ADAM9: variants seen among roughly 807,000 people sequenced by gnomAD.
ADAM9 encodes the protein ADAM metallopeptidase domain 9.
ADAM9 carries 54 observed loss-of-function variants against 108.1 expected under a neutral mutation model. That is an observed-to-expected ratio of 0.50 (90% CI 0.40 to 0.63). The LOEUF is 0.63. Among genes scored for constraint, ADAM9 ranks in the 20% least tolerant of loss-of-function variants. ADAM9 has a pLI of 0.00. For missense variants in ADAM9, 830 were observed against 997.7 expected, an observed-to-expected ratio of 0.83 and a Z score of 2.26; for synonymous variants, 316 against 336.0, an observed-to-expected ratio of 0.94 and a Z score of 0.65.
intron 11 of ADAM9, among the ~76,000 whole-genome samples, chr8:39,031,750 A>T (rs1265854515): frequency 6.6e-6 from 1 of 152,140 alleles, no homozygotes; most frequent in Non-Finnish European, 1.5e-5. Context: ...TAGAATTTTC[A>T]GCTTTTCTGC....
At chr8:39,039,700 C>T (rs550489372) in intron 11 of ADAM9, among the ~76,000 whole-genome samples, 1 of 152,196 alleles carries the variant, frequency 6.6e-6, no homozygotes, top group African/African-American at 2.4e-5. Context: ...CCAGGTTCCT[C>T]CATGTTGTGG....
At chr8:39,047,138 A>G (rs1364185051) in intron 12 of ADAM9, among the ~76,000 whole-genome samples, 1 of 152,192 alleles carries the variant, frequency 6.6e-6, no homozygotes, top group East Asian at 1.9e-4. Context: ...ATTTATACCC[A>G]AGGATAAATT....
intron 14 of ADAM9, among the ~76,000 whole-genome samples, chr8:39,070,152 CAAAAAAAA>C (rs5891052): frequency 2.5e-5 from 2 of 81,426 alleles, no homozygotes; most frequent in South Asian, 4.3e-4. Flanking sequence ...GACTCTGTCT[CAAAAAAAA>C]AAAAAAAAAA....
At chr8:39,048,885 A>G (rs758692669) in intron 12 of ADAM9, among the ~76,000 whole-genome samples, 17 of 151,480 alleles carry the variant, frequency 1.1e-4, no homozygotes, top group Non-Finnish European at 1.9e-4. Context: ...ATACAAATAT[A>G]GGTACCCCTG....
At chr8:39,058,535 C>T (rs761605512) in intron 14 of ADAM9, among the ~76,000 whole-genome samples, 20 of 152,138 alleles carry the variant, frequency 1.3e-4, no homozygotes, top group Middle Eastern at 3.2e-3. Context: ...AAGGGATCTC[C>T]GGCATTCTAG....
Position 39,077,104 on chromosome 8 carries a change from A to G in ADAM9, c.1698-124A>G, listed in dbSNP as rs1588416354. 162 of 1,084,136 alleles carry G rather than the reference A, an allele frequency of 1.5e-4. 2 individuals are homozygous for G. The South Asian group carries it at 2.1e-3, about 14-fold the overall frequency. 67.2% of individuals were successfully genotyped at this position (1,084,136 alleles called of 1,614,324 possible). On this transcript the variant is annotated intron_variant, in intron 15 of 21. Coordinates refer to ENST00000487273, the MANE Select transcript of ADAM9 (RefSeq NM_003816.3). ...CTACTTTGACCTCTCTTGCTCTCAT[A>G]CACTTTCTCTGTTGAGATTCCCTCC...
At chr8:39,059,562 CTTGAT>C (rs1237064958) in intron 14 of ADAM9, among the ~76,000 whole-genome samples, 2 of 152,240 alleles carry the variant, frequency 1.3e-5, no homozygotes, top group African/African-American at 4.8e-5. Context: ...ATCCTATCTA[CTTGAT>C]TATTAAAATT....
intron 19 of ADAM9, 119 bp from the exon 20 acceptor site, chr8:39,091,140 A>G (rs768380526): frequency 4.2e-6 from 4 of 942,534 alleles, no homozygotes; most frequent in Non-Finnish European, 3.4e-6. Flanking sequence ...TATCATGATT[A>G]TCATCCCCAC....
chr8:39,081,288 A>T (rs868677849), intron 16 of ADAM9, among the ~76,000 whole-genome samples: 1 of 152,020 alleles, frequency 6.6e-6, no homozygotes, highest in African/African-American at 2.4e-5. Flanking sequence ...TTTCAGTTTG[A>T]TTTTTCCCAT....
chr8:39,023,079 G>A (rs1223610935), intron 8 of ADAM9, 77 bp from the exon 9 acceptor site: 21 of 1,281,050 alleles, frequency 1.6e-5, no homozygotes, highest in African/African-American at 1.1e-4. Flanking sequence ...TTAAGTAGCC[G>A]TGTTACTTCA....
At chr8:39,077,107 C>G in intron 15 of ADAM9, 121 bp from the exon 16 acceptor site, 2 of 1,115,494 alleles carry the variant, frequency 1.8e-6, no homozygotes, top group Non-Finnish European at 1.3e-6. Flanking sequence ...CTCTCATACA[C>G]TTTCTCTGTT....
At chr8:39,054,601 G>GCAAA in intron 13 of ADAM9, 28 bp downstream of exon 13, 1 of 752,322 alleles carries the variant, frequency 1.3e-6, no homozygotes, top group Non-Finnish European at 1.8e-6. Context: ...TTTGGAAACA[G>GCAAA]GAAAAAAAAA....
chr8:39,029,906 AG>A (rs1837045963), intron 11 of ADAM9, among the ~76,000 whole-genome samples: 1 of 152,134 alleles, frequency 6.6e-6, no homozygotes, highest in South Asian at 2.1e-4. Flanking sequence ...TGAGTTTGGA[AG>A]TGTTCCTTCC....
Position 39,092,937 on chromosome 8 carries a change from G to A in ADAM9, c.2298+1591G>A, listed in dbSNP as rs74379492. ...CTGACCATAAAGTTGTGGATTTGGG[G>A]TTCTCTATTCTGTTCCATTTGTCTT... On this transcript the variant is annotated intron_variant, in intron 20 of 21. Transcript: ENST00000487273. Among the ~76,000 whole-genome samples the A allele has an allele frequency of 1.8e-4, 27 of 152,228 alleles. 1 individual carries two copies. In the East Asian group the frequency reaches 4.8e-3, roughly 27 times the overall value.
In ADAM9 at chr8:39,077,327, A is replaced by G. The variant is rs1408553604; in HGVS notation, c.1797A>G (p.Lys599=). 1 of 1,614,098 alleles carries G rather than the reference A, an allele frequency of 6.2e-7. No individual in the cohort carries two copies. The highest frequency in any genetic ancestry group is 8.5e-7 in the Non-Finnish European group (1 of 1,179,990). ...AIIQTPSRGT[K]CWGVDFQLGS... ...TTCAAACGCCTAGTCGAGGCACCAA[A>G]TGTTGGGGTGTGGATTTCCAGCTAG... The change falls in exon 16 of 22, where the codon AAA becomes AAG. Residue 599 remains lysine, a synonymous_variant. Coordinates refer to ENST00000487273, the MANE Select transcript of ADAM9 (RefSeq NM_003816.3).
At chr8:39,090,308 G>T (rs186805925) in intron 19 of ADAM9, 120 bp downstream of exon 19, 23 of 803,850 alleles carry the variant, frequency 2.9e-5, no homozygotes, top group Middle Eastern at 7.3e-4. Flanking sequence ...AAGTAGTTGG[G>T]ATTACAGGCA....
At chr8:39,069,971 T>A (rs1838624061) in intron 14 of ADAM9, among the ~76,000 whole-genome samples, 1 of 125,702 alleles carries the variant, frequency 8.0e-6, no homozygotes, top group Non-Finnish European at 1.6e-5. Flanking sequence ...AGCAAGACCT[T>A]GTCTCACTAA....
At chr8:39,032,328 C>G (rs1318446504) in intron 11 of ADAM9, among the ~76,000 whole-genome samples, 5 of 152,262 alleles carry the variant, frequency 3.3e-5, no homozygotes. Context: ...GGGCTCCGCC[C>G]AGTTGAGCTT....
chr8:39,012,204 T>C (rs746295320), intron 3 of ADAM9, among the ~76,000 whole-genome samples: 6 of 152,228 alleles, frequency 3.9e-5, no homozygotes, highest in Non-Finnish European at 7.3e-5. Flanking sequence ...ACCGCTGAGA[T>C]ATGTGTGAGG....
Sources: allele counts gnomAD v4.1 joint callset (sites outside exome capture counted in the v4.1 genomes callset), GRCh38; gene constraint gnomAD v4.1.1; transcripts MANE v1.5; gene names NCBI Gene and HGNC (gene_info 2026-07-23, HGNC 2026-07-21).